Variants in CLECL1 observed in about 807,000 individuals in gnomAD.
CLECL1 encodes C-type lectin-like domain family 1.
chr12:9,706,794 G>A, the CLECL1 span, among the ~76,000 whole-genome samples: 1 of 152,164 alleles, frequency 6.6e-6, no homozygotes, highest in Non-Finnish European at 1.5e-5. Flanking sequence ...TGATCATCAA[G>A]GATATTGGCC....
At chr12:9,733,314 T>C (rs1194743457), upstream of CLECL1, 12 of 1,281,042 alleles carry the variant, frequency 9.4e-6, no homozygotes, top group East Asian at 2.5e-4. Flanking sequence ...CTTGAAATGC[T>C]TTTAACTTTT....
downstream of CLECL1, among the ~76,000 whole-genome samples, chr12:9,715,389 C>A (rs1453372163): frequency 6.6e-6 from 1 of 152,178 alleles, no homozygotes; most frequent in African/African-American, 2.4e-5. Flanking sequence ...CTTAGTCTTA[C>A]TTCAAGGACT....
At chr12:9,723,319 T>TAAC (rs1866337102) in intron 3 of CLECL1, among the ~76,000 whole-genome samples, 1 of 152,196 alleles carries the variant, frequency 6.6e-6, no homozygotes, top group Non-Finnish European at 1.5e-5. Flanking sequence ...AATGTGCTCT[T>TAAC]AACAGCTAGT....
upstream of CLECL1, chr12:9,733,431 C>A: frequency 7.2e-6 from 4 of 556,332 alleles, no homozygotes; most frequent in South Asian, 2.6e-5. Context: ...GCATCTTCTC[C>A]AAAGTAGGAT....
At chr12:9,710,380 C>T in the CLECL1 span, among the ~76,000 whole-genome samples, 1 of 152,110 alleles carries the variant, frequency 6.6e-6, no homozygotes, top group Non-Finnish European at 1.5e-5. Flanking sequence ...CAGTGGGAAG[C>T]AGCTAAGACC....
the CLECL1 span, among the ~76,000 whole-genome samples, chr12:9,706,690 T>C: frequency 6.6e-6 from 1 of 152,226 alleles, no homozygotes; most frequent in African/African-American, 2.4e-5. Flanking sequence ...CAACCTTGCA[T>C]CCCAAAGATG....
chr12:9,704,523 C>T, the CLECL1 span, among the ~76,000 whole-genome samples: 1 of 152,026 alleles, frequency 6.6e-6, no homozygotes, highest in Admixed American at 6.6e-5. Flanking sequence ...AAGTATTATG[C>T]CTAGTATCCA....
chr12:9,727,033 G>T (rs1333219038), intron 3 of CLECL1, among the ~76,000 whole-genome samples: 1 of 151,354 alleles, frequency 6.6e-6, no homozygotes, highest in African/African-American at 2.4e-5. Context: ...GTTATAAAAA[G>T]ATATATAATA....
chr12:9,713,738 C>T (rs149529055), downstream of CLECL1, among the ~76,000 whole-genome samples: 25 of 152,166 alleles, frequency 1.6e-4, no homozygotes, highest in African/African-American at 5.8e-4. Context: ...ACTAAGGTAG[C>T]GACAAAGTTT....
downstream of CLECL1, among the ~76,000 whole-genome samples, chr12:9,717,904 T>A (rs1037857588): frequency 6.6e-6 from 1 of 152,108 alleles, no homozygotes; most frequent in Non-Finnish European, 1.5e-5. Flanking sequence ...GCATTATAAA[T>A]TCTACATTAT....
At chr12:9,710,867 C>G (rs746448881), downstream of CLECL1, among the ~76,000 whole-genome samples, 8 of 152,180 alleles carry the variant, frequency 5.3e-5, no homozygotes, top group Non-Finnish European at 8.8e-5. Context: ...TCTGACTCTC[C>G]CATCTGCTGG....
intron 3 of CLECL1, among the ~76,000 whole-genome samples, chr12:9,726,334 C>T (rs1403865604): frequency 1.3e-5 from 2 of 151,914 alleles, no homozygotes; most frequent in East Asian, 3.8e-4. Context: ...GAATCAAAAA[C>T]TGTTATCACT....
chr12:9,730,109 G>T (rs2121064773), intron 1 of CLECL1, among the ~76,000 whole-genome samples: 1 of 152,190 alleles, frequency 6.6e-6, no homozygotes, highest in South Asian at 2.1e-4. Flanking sequence ...AAACATAAAA[G>T]AAATGTTAGA....
chr12:9,710,265 T>G, the CLECL1 span, among the ~76,000 whole-genome samples: 1 of 152,178 alleles, frequency 6.6e-6, no homozygotes, highest in South Asian at 2.1e-4. Flanking sequence ...CTCCAAATGT[T>G]CAGGCAACCA....
exon 3 of CLECL1, among the ~76,000 whole-genome samples, chr12:9,727,622 C>T (rs1188835504): frequency 2.6e-5 from 4 of 151,700 alleles, no homozygotes; most frequent in Non-Finnish European, 4.4e-5. Flanking sequence ...TCTTTTGGCT[C>T]ATTATACAAT....
downstream of CLECL1, chr12:9,715,743 T>C (rs946392962): frequency 6.5e-6 from 1 of 152,682 alleles, no homozygotes; most frequent in Non-Finnish European, 1.5e-5. Flanking sequence ...TGCTGAGCTC[T>C]CTCCAGTTCT....
chr12:9,733,367 C>A, upstream of CLECL1: 1 of 708,314 alleles, frequency 1.4e-6, no homozygotes, highest in Non-Finnish European at 2.3e-6. Context: ...TCCTATAGAC[C>A]ACTTCCTCTT....
At chr12:9,706,655 A>C in the CLECL1 span, among the ~76,000 whole-genome samples, 1 of 152,172 alleles carries the variant, frequency 6.6e-6, no homozygotes, top group East Asian at 1.9e-4. Context: ...GATGAATTAC[A>C]TTTATTGGTT....
At chr12:9,706,739 C>T in the CLECL1 span, among the ~76,000 whole-genome samples, 1 of 152,180 alleles carries the variant, frequency 6.6e-6, no homozygotes, top group Non-Finnish European at 1.5e-5. Context: ...TTTCAATGTG[C>T]TGCTGGATTC....
Sources: gnomAD v4.1 joint callset for allele counts (sites outside exome capture counted in the v4.1 genomes callset) on GRCh38, gnomAD v4.1.1 for gene constraint, MANE v1.5 for transcripts, NCBI Gene and HGNC (gene_info 2026-07-23, HGNC 2026-07-21) for gene names.